Variants in ABCB11 observed in about 807,000 individuals in gnomAD.
ABCB11 encodes the protein ATP binding cassette subfamily B member 11.
Under a neutral mutation model 148.0 loss-of-function variants are expected in ABCB11, and 95 were observed. The observed-to-expected ratio is 0.64, with a 90% CI of 0.54 to 0.76. ABCB11 has a LOEUF of 0.76. Ranked by LOEUF, ABCB11 falls within the 30% of genes least tolerant of loss-of-function variation. ABCB11 has a pLI of 0.00. For missense variants in ABCB11, 1,523 were observed against 1,617.8 expected, an observed-to-expected ratio of 0.94 and a Z score of 1.01; for synonymous variants, 591 against 555.4, an observed-to-expected ratio of 1.06 and a Z score of -0.90.
intron 5 of ABCB11, among the ~76,000 whole-genome samples, chr2:168,998,928 A>G (rs933250517): frequency 6.6e-6 from 1 of 152,098 alleles, no homozygotes; most frequent in African/African-American, 2.4e-5. Flanking sequence ...AACAGAAAAA[A>G]CCTATCAGAA....
rs1691622372 is a variant in ABCB11, at chr2:168,932,534, C to T, written c.3057-1G>A. The T allele has an allele frequency of 6.2e-7, 1 of 1,612,880 alleles. No homozygotes were observed. The highest frequency in any genetic ancestry group is 8.5e-7 in the Non-Finnish European group (1 of 1,179,520). ...ACTCAGTACAACTGCAGAGATCACC[C>T]TGTAACCAGACAGACACACAGGAAG... is the stretch of plus-strand genomic sequence containing the variant. On this transcript the variant is annotated splice_acceptor_variant, in intron 23 of 27. Transcript: ENST00000650372. LOFTEE classifies it high-confidence loss of function.
intron 3 of ABCB11, among the ~76,000 whole-genome samples, chr2:169,015,468 C>A (rs542312429): frequency 3.5e-4 from 54 of 152,280 alleles, no homozygotes; most frequent in African/African-American, 1.2e-3. Context: ...GTTCTCAACA[C>A]CCCACTTGCC....
chr2:168,973,595 TAAGTTA>T, intron 13 of ABCB11, 114 bp downstream of exon 13: 1 of 1,254,804 alleles, frequency 8.0e-7, no homozygotes, highest in Non-Finnish European at 1.1e-6. Flanking sequence ...AACAAATCAT[TAAGTTA>T]ACTATGCATG....
At chr2:168,927,432 G>A in intron 25 of ABCB11, 70 bp from the exon 26 acceptor site, 1 of 1,303,842 alleles carries the variant, frequency 7.7e-7, no homozygotes. Context: ...TCATATTCTA[G>A]CATTAGGTGT....
intron 8 of ABCB11, among the ~76,000 whole-genome samples, chr2:168,993,059 C>A (rs890305846): frequency 2.6e-5 from 4 of 151,856 alleles, no homozygotes; most frequent in African/African-American, 9.7e-5. Flanking sequence ...GTTGTCCAGG[C>A]CTCAATTCCT....
rs1018318249 is a variant in ABCB11, at chr2:168,932,519, A to T, written c.3071T>A (p.Val1024Asp). The T allele has an allele frequency of 6.2e-7, 1 of 1,613,448 alleles. No individual in the cohort carries two copies. Among genetic ancestry groups the T allele is most frequent in the African/African-American group, 1.3e-5 (1 of 74,902 alleles). ...TCCAAGAGCTGTTGCACTCAGTACA[A>T]CTGCAGAGATCACCCTGTAACCAGA... The part of the protein sequence containing the change: ...FSYVFRVISA[V>D]VLSATALGRA... The change falls in exon 24 of 28, where the codon GTT (valine) becomes GAT (aspartate). Residue 1024 changes from valine to aspartate, a missense_variant. Physicochemically the swap from Val to Asp is radical, Grantham distance 152. Transcript: ENST00000650372.
intron 6 of ABCB11, among the ~76,000 whole-genome samples, 197 bp from the exon 7 acceptor site, chr2:168,995,679 G>A (rs1242623551): frequency 6.6e-6 from 1 of 151,884 alleles, no homozygotes; most frequent in African/African-American, 2.4e-5. Context: ...CTTCAGCAGG[G>A]TAGCCTGAGA....
intron 21 of ABCB11, among the ~76,000 whole-genome samples, chr2:168,943,790 G>GA (rs1167777192): frequency 2.1e-4 from 23 of 109,602 alleles, no homozygotes; most frequent in South Asian, 1.2e-3. Flanking sequence ...TCAGTCCAGT[G>GA]AGTTTTTTCT....
chr2:169,020,244 TA>T (rs1287106503), intron 1 of ABCB11, among the ~76,000 whole-genome samples: 1 of 152,166 alleles, frequency 6.6e-6, no homozygotes, highest in Non-Finnish European at 1.5e-5. Flanking sequence ...CAACTATAAT[TA>T]AATATATGTT....
intron 12 of ABCB11, among the ~76,000 whole-genome samples, chr2:168,974,971 T>C (rs1306612810): frequency 6.8e-6 from 1 of 147,584 alleles, no homozygotes; most frequent in Non-Finnish European, 1.5e-5. Flanking sequence ...TAAATAGAGA[T>C]ATACACTTAT....
chr2:168,967,574 G>A (rs1267416273), intron 17 of ABCB11, among the ~76,000 whole-genome samples: 1 of 151,852 alleles, frequency 6.6e-6, no homozygotes, highest in Non-Finnish European at 1.5e-5. Context: ...CATCTTGAAT[G>A]AGCAAGTCTT....
Position 168,975,746 on chromosome 2 carries a change from G to C in ABCB11, c.1308+831C>G, listed in dbSNP as rs1209510046. On this transcript the variant is annotated intron_variant, in intron 12 of 27. Coordinates refer to ENST00000650372, the MANE Select transcript of ABCB11 (RefSeq NM_003742.4). Reference sequence around the variant, plus strand: ...ATATTCATATATTCAAAGAGAGAATGATATATATATCATATATATATCACA... The same window carrying C: ...ATATTCATATATTCAAAGAGAGAATCATATATATATCATATATATATCACA... Among the ~76,000 whole-genome samples, 3 of 144,226 alleles carry C rather than the reference G, an allele frequency of 2.1e-5. 1 individual carries two copies. The highest frequency in any genetic ancestry group is 7.6e-5 in the African/African-American group (3 of 39,394). 94.6% of individuals were successfully genotyped at this position (144,226 alleles called of 152,430 possible).
chr2:169,017,018 A>ACACG (rs1695381752), intron 2 of ABCB11, among the ~76,000 whole-genome samples: 2 of 148,728 alleles, frequency 1.3e-5, no homozygotes, highest in African/African-American at 5.0e-5. Context: ...ACACACACAC[A>ACACG]CACACGAAGA....
At chr2:168,928,390 C>T (rs1691413129) in intron 25 of ABCB11, among the ~76,000 whole-genome samples, 2 of 151,926 alleles carry the variant, frequency 1.3e-5, no homozygotes, top group Non-Finnish European at 2.9e-5. Context: ...CAGTAACAGG[C>T]ACATCATAGG....
intron 1 of ABCB11, among the ~76,000 whole-genome samples, chr2:169,021,761 C>T (rs963863142): frequency 6.6e-5 from 10 of 151,996 alleles, no homozygotes; most frequent in Middle Eastern, 3.4e-3. Flanking sequence ...ATAATTGTAA[C>T]ACAATGTCGA....
chr2:169,020,472 TA>T (rs1411351566), intron 1 of ABCB11, among the ~76,000 whole-genome samples: 5 of 151,340 alleles, frequency 3.3e-5, no homozygotes, highest in Admixed American at 6.6e-5. Context: ...CTAAAGAAAC[TA>T]AAAAAAGCAT....
intron 5 of ABCB11, among the ~76,000 whole-genome samples, chr2:169,002,517 T>C (rs970856888): frequency 6.6e-6 from 1 of 152,196 alleles, no homozygotes; most frequent in Admixed American, 6.5e-5. Flanking sequence ...ACTGCAGCAT[T>C]ACTCACAATA....
At chr2:168,975,552 C>G (rs11890781) in intron 12 of ABCB11, among the ~76,000 whole-genome samples, 1,480 of 6,156 alleles carry the variant, frequency 0.24, 590 homozygotes, top group Non-Finnish European at 0.34. Flanking sequence ...TATATAAATA[C>G]ATAAATATTT....
rs778836750 is a variant in ABCB11 at position 168,990,818 on chromosome 2, C to T, written c.891G>A (p.Glu297=). 1.2e-5 allele frequency: 19 copies of T among 1,612,998 alleles called. No individual in the cohort carries two copies. Among genetic ancestry groups the T allele is most frequent in the Non-Finnish European group, 1.6e-5 (19 of 1,179,336 alleles). Residue 297 remains glutamate (E), a synonymous_variant, in exon 9 of 28, where the codon GAG becomes GAA. Transcript: ENST00000650372. ...SMRTVAAFGG[E]KREVERYEKN... ...TAACCAACCTTTCAACCTCTCTTTTCTCACCACCAAAAGCAGCCACTGTTC... is the reference window on the plus strand; with the variant it reads ...TAACCAACCTTTCAACCTCTCTTTTTTCACCACCAAAAGCAGCCACTGTTC...
Sources: allele counts gnomAD v4.1 joint callset (sites outside exome capture counted in the v4.1 genomes callset), GRCh38; gene constraint gnomAD v4.1.1; transcripts MANE v1.5; gene names NCBI Gene and HGNC (gene_info 2026-07-23, HGNC 2026-07-21).